The following CCR6 variants were observed in gnomAD, a reference collection of about 807,000 sequenced individuals.
The protein encoded by CCR6 is C-C motif chemokine receptor 6, also known as C-C chemokine receptor type 6.
A neutral mutation model predicts 3.0 loss-of-function variants in CCR6; 2 were observed. That is an observed-to-expected ratio of 0.66 (90% CI 0.27 to 2.07). The LOEUF (loss-of-function observed/expected upper bound fraction) is 2.07, where lower values mean the gene tolerates loss of function less well. CCR6 is among the 30% of genes most tolerant of loss of function. The pLI is 0.14. For synonymous variants in CCR6, 193 were observed against 184.3 expected (o/e 1.05, Z -0.38); for missense variants, 322 against 462.8 (o/e 0.70, Z 2.79).
intron 1 of CCR6, among the ~76,000 whole-genome samples, chr6:167,116,375 T>A (rs544607715): frequency 8.5e-5 from 13 of 152,358 alleles, no homozygotes; most frequent in Admixed American, 8.5e-4. Context: ...GCTTTCTGTT[T>A]TAGATCAAAT....
upstream of CCR6, chr6:167,119,411 A>C (rs1384884123): frequency 3.3e-5 from 5 of 152,280 alleles, no homozygotes; most frequent in African/African-American, 1.2e-4. Flanking sequence ...TGAGTTCCCA[A>C]AAGGTGGGAA....
rs1030377682 is a variant in CCR6 at position 167,138,963 on chromosome 6, A to G, written c.*1608A>G. 1 of 150,490 alleles carries G rather than the reference A, an allele frequency of 6.6e-6. No homozygotes were observed. Among genetic ancestry groups the G allele is most frequent in the African/African-American group, 2.4e-5 (1 of 41,026 alleles). The allele number at this position is 150,490 out of a possible 1,614,324, so 9.3% of individuals were successfully genotyped here. ...AAAAAAAAAAAAGGAAAGAACTGTCATGTAAACATACCAACATGTTTAAAC... is the reference window on the plus strand; with the variant it reads ...AAAAAAAAAAAAGGAAAGAACTGTCGTGTAAACATACCAACATGTTTAAAC... On this transcript the variant is annotated 3_prime_UTR_variant, in exon 3 of 3. Coordinates refer to ENST00000341935, the MANE Select transcript of CCR6 (RefSeq NM_031409.4).
chr6:167,119,733 G>C (rs1459468627), upstream of CCR6, among the ~76,000 whole-genome samples: 1 of 152,212 alleles, frequency 6.6e-6, no homozygotes, highest in Admixed American at 6.5e-5. Flanking sequence ...TAGAGAATTT[G>C]CTGATGTAAT....
upstream of CCR6, among the ~76,000 whole-genome samples, chr6:167,118,783 A>AGGAT (rs1781540036): frequency 6.6e-6 from 1 of 152,072 alleles, no homozygotes; most frequent in South Asian, 2.1e-4. Flanking sequence ...CTGTCACTTG[A>AGGAT]GGAGGACTAT....
chr6:167,138,162 C>T lies in CCR6; in HGVS notation c.*807C>T, dbSNP rs189354587. On this transcript the variant is annotated 3_prime_UTR_variant, in exon 3 of 3. Transcript: ENST00000341935. ...GAAGACAGGATCTAGAATAATCTTG[C>T]TCACAGCTGTGCTCTGAGTGCCTAG... The T allele has an allele frequency of 1.9e-4, 29 of 152,424 alleles. No homozygotes were observed. The highest frequency in any genetic ancestry group is 4.0e-4 in the Non-Finnish European group (27 of 68,018). 9.4% of individuals were successfully genotyped at this position (152,424 alleles called of 1,614,324 possible). A position where few individuals can be genotyped will look rare whatever the true frequency, so the allele number is the denominator to read the frequency against.
chr6:167,117,448 G>A (rs1449973980), intron 1 of CCR6, among the ~76,000 whole-genome samples: 8 of 115,410 alleles, frequency 6.9e-5, no homozygotes, highest in East Asian at 2.4e-4. Flanking sequence ...ACGGAGTTTC[G>A]CTCTGTCGCC....
chr6:167,112,833 C>T (rs1435668721), intron 1 of CCR6, among the ~76,000 whole-genome samples: 3 of 152,032 alleles, frequency 2.0e-5, no homozygotes, highest in Non-Finnish European at 2.9e-5. Flanking sequence ...GTGTCTGGAA[C>T]GTGTGTCTCT....
chr6:167,133,102 A>G (rs921225335), intron 1 of CCR6, among the ~76,000 whole-genome samples: 10 of 152,296 alleles, frequency 6.6e-5, no homozygotes, highest in African/African-American at 2.4e-4. Context: ...TCTTTCAAAG[A>G]GCAGAAGTTT....
intron 1 of CCR6, among the ~76,000 whole-genome samples, chr6:167,130,986 T>TG (rs1371941354): frequency 0.027 from 2,816 of 104,672 alleles, 174 homozygotes; most frequent in African/African-American, 0.1. Flanking sequence ...ACCCTCCCTC[T>TG]GGACCCCCTC....
At chr6:167,134,138 C>T (rs1015380718) in intron 1 of CCR6, among the ~76,000 whole-genome samples, 1 of 151,814 alleles carries the variant, frequency 6.6e-6, no homozygotes, top group Non-Finnish European at 1.5e-5. Context: ...CCTGTGATGC[C>T]TAGTGCCGAG....
rs1158151975 is a variant in CCR6 at position 167,137,852 on chromosome 6, T to C, written c.*497T>C. ...TTGTTGCTGGTTATAAGCAGCAGGA[T>C]TGGCCGGCTAGTGTTTCCTCTCATT... is the stretch of plus-strand genomic sequence containing the variant. On this transcript the variant is annotated 3_prime_UTR_variant, in exon 3 of 3. Coordinates refer to ENST00000341935, the MANE Select transcript of CCR6 (RefSeq NM_031409.4). The surrounding 1 kb of genome is among the most constrained non-coding windows in gnomAD (Gnocchi z 4.6). The C allele has an allele frequency of 6.3e-6, 1 of 158,238 alleles. No homozygotes were observed. Among genetic ancestry groups the C allele is most frequent in the East Asian group, 1.8e-4 (1 of 5,538 alleles). 9.8% of individuals were successfully genotyped at this position (158,238 alleles called of 1,614,324 possible).
intron 1 of CCR6, among the ~76,000 whole-genome samples, chr6:167,130,756 A>C (rs1282799205): frequency 2.0e-5 from 3 of 151,826 alleles, no homozygotes; most frequent in Non-Finnish European, 4.4e-5. Context: ...AGAGACATGG[A>C]ATTTATCAAT....
Position 167,133,932 on chromosome 6 carries a change from G to GTGTGTATATATATA in CCR6, c.-97-2105_-97-2104insGTGTATATATATAT, listed in dbSNP as rs1183741225. 2.1e-3 allele frequency among the ~76,000 whole-genome samples: 230 copies of GTGTGTATATATATA among 110,354 alleles called. 7 individuals are homozygous for GTGTGTATATATATA. The highest frequency in any genetic ancestry group is 6.7e-3 in the East Asian group (26 of 3,884). The allele number at this position is 110,354 out of a possible 152,430, so 72.4% of individuals were successfully genotyped here. ...ATACTATTATATATGATATATGTGT[G>GTGTGTATATATATA]TATATATATATATATATATATATAT... On this transcript the variant is annotated intron_variant, in intron 1 of 2. Transcript: ENST00000341935.
rs1353233370 is a variant in CCR6 at position 167,136,857 on chromosome 6, G to A, written c.627G>A (p.Arg209=). The change falls in exon 3 of 3, where the codon AGG becomes AGA. Residue 209 remains arginine (R), a synonymous_variant. Coordinates refer to ENST00000341935, the MANE Select transcript of CCR6 (RefSeq NM_031409.4). This position sits in a 1 kb window ranked among gnomAD's most constrained non-coding sequence, Gnocchi z 4.6. ...PKYQTVSEPI[R]WKLLMLGLEL... is the part of the protein sequence containing the mutation. ...ACCAGACTGTCTCGGAGCCCATCAG[G>A]TGGAAGCTGCTGATGTTGGGGCTTG... 3 of 1,614,140 alleles carry A rather than the reference G, an allele frequency of 1.9e-6. No homozygotes were observed. The highest frequency in any genetic ancestry group is 2.5e-6 in the Non-Finnish European group (3 of 1,180,026).
chr6:167,134,951 A>G (rs1429734579), intron 1 of CCR6: 1 of 152,204 alleles, frequency 6.6e-6, no homozygotes, highest in African/African-American at 2.4e-5. Flanking sequence ...CAGATGGTGG[A>G]TTTCAAAGCC....
intron 1 of CCR6, chr6:167,112,082 G>A (rs1382345517): frequency 6.6e-6 from 1 of 151,994 alleles, no homozygotes; most frequent in Non-Finnish European, 1.5e-5. Flanking sequence ...ATTGTTTTAT[G>A]CTTTGGAGGT....
chr6:167,121,952 G>A (rs1182601226), upstream of CCR6, among the ~76,000 whole-genome samples: 1 of 152,212 alleles, frequency 6.6e-6, no homozygotes, highest in African/African-American at 2.4e-5. Context: ...GGACAAACCC[G>A]GGAAAATGGC....
chr6:167,117,415 C>CTTTTTTTTTT (rs35058463), intron 1 of CCR6, among the ~76,000 whole-genome samples: 11 of 109,894 alleles, frequency 1.0e-4, no homozygotes, highest in Admixed American at 3.1e-4. Flanking sequence ...TTTTTTTTTT[C>CTTTTTTTTTT]TTTTTTTTTT....
chr6:167,116,566 T>G (rs528296264), intron 1 of CCR6, among the ~76,000 whole-genome samples: 5 of 152,334 alleles, frequency 3.3e-5, no homozygotes, highest in Admixed American at 6.5e-5. Context: ...TTGCTTCAAC[T>G]GAGAGTAGAG....
Sources: gnomAD v4.1 joint callset for allele counts (sites outside exome capture counted in the v4.1 genomes callset) on GRCh38, gnomAD v4.1.1 for gene constraint, Gnocchi (gnomAD v3.1) non-coding constraint, MANE v1.5 for transcripts, NCBI Gene and HGNC (gene_info 2026-07-23, HGNC 2026-07-21) for gene names.